Variants in REV3L observed in about 807,000 individuals in gnomAD.
REV3L encodes REV3 like, DNA directed polymerase zeta catalytic subunit.
In REV3L, 69 loss-of-function variants were observed where a neutral mutation model predicts 299.4. The ratio of observed to expected loss-of-function variants is 0.23; its 90% CI spans 0.19 to 0.28. The LOEUF (loss-of-function observed/expected upper bound fraction) is 0.28. REV3L is among the 10% of genes least tolerant of loss of function. The pLI is 1.00. For missense variants in REV3L, 3,128 were observed against 3,693.8 expected, an observed-to-expected ratio of 0.85 and a Z score of 3.97; for synonymous variants, 1,238 against 1,271.4, an observed-to-expected ratio of 0.97 and a Z score of 0.56.
In REV3L at chr6:111,349,275, A is replaced by G; in HGVS notation, c.7362T>C (p.Ser2454=). 6.2e-7 allele frequency: 1 copy of G among 1,607,694 alleles called. No individual in the cohort carries two copies. The highest frequency in any genetic ancestry group is 1.1e-5 in the South Asian group (1 of 90,574). Residue 2454 remains serine (S), a synonymous_variant, in exon 20 of 32, where the codon AGT becomes AGC. Coordinates refer to ENST00000368802, the MANE Select transcript of REV3L (RefSeq NM_001372078.1). ...TAATTCGGCCAACAATATTTATCTC[A>G]CTCATTGTATATGATCCATACTCAT... ...ERDEYGSYTM[S]EINIVGRITL... is the part of the protein sequence containing the mutation.
In REV3L at chr6:111,372,924, G is replaced by C. The variant is rs749421036; in HGVS notation, c.5431C>G (p.Leu1811Val). Residue 1811 changes from leucine (L) to valine (V), a missense_variant, in exon 13 of 32, where the codon CTT becomes GTT. By Grantham distance (32) the Leu-to-Val change is conservative. Transcript: ENST00000368802. The stretch of plus-strand genomic sequence containing the variant: ...GTAAAAGAGGTATTGGCTGAGTCAA[G>C]AGACTGTCCCATTTCTTTTCTGGTG... ...GHTRKEMGQSLDSANTSFTAI... is the reference protein window; with the variant it reads ...GHTRKEMGQSVDSANTSFTAI... 1.2e-6 allele frequency: 2 copies of C among 1,613,952 alleles called. No homozygotes were observed. Among genetic ancestry groups the C allele is most frequent in the Admixed American group, 3.3e-5 (2 of 59,996 alleles).
chr6:111,411,615 C>T (rs1784256885), intron 2 of REV3L, 61 bp from the exon 3 acceptor site: 4 of 1,076,464 alleles, frequency 3.7e-6, no homozygotes. Context: ...AATAATGCAA[C>T]TTATTGCCCT....
At chr6:111,430,781 C>T (rs1363815913) in intron 1 of REV3L, 86 of 1,607,028 alleles carry the variant, frequency 5.4e-5, no homozygotes, top group South Asian at 2.1e-4. Context: ...GCAGCTTGAC[C>T]GCATCGTGAA....
chr6:111,422,680 GTA>G (rs774474693), intron 1 of REV3L, among the ~76,000 whole-genome samples: 512 of 11,216 alleles, frequency 0.046, 95 homozygotes, highest in Non-Finnish European at 0.096. Context: ...ATATATATAC[GTA>G]TATATATATA....
chr6:111,475,012 CACACACACACAT>C lies in REV3L; in HGVS notation c.139+7726_139+7737del, dbSNP rs1289804186. On this transcript the variant is annotated intron_variant, in intron 1 of 31. Transcript: ENST00000368802. ...ATACACACACACACACACACACACA[CACACACACACAT>C]ATGGATTTTATTATAATAAAGAATT... Among the ~76,000 whole-genome samples, 3 of 151,866 alleles carry C rather than the reference CACACACACACAT, an allele frequency of 2.0e-5. No homozygotes were observed. The East Asian group carries it at 5.8e-4, about 29-fold the overall frequency.
In REV3L at chr6:111,415,005, C is replaced by T. The variant is rs17539295; in HGVS notation, c.329+1278G>A. Among the ~76,000 whole-genome samples, 32 of 152,224 alleles carry T rather than the reference C, an allele frequency of 2.1e-4. No homozygotes were observed. The East Asian group carries it at 6.2e-3, about 29-fold the overall frequency. Reference sequence around the variant, plus strand: ...TTCTCTCCCTGCTCTTATTCTCGTCCCCCTACAATCTATTATTAATACAGT... The same window carrying T: ...TTCTCTCCCTGCTCTTATTCTCGTCTCCCTACAATCTATTATTAATACAGT... On this transcript the variant is annotated intron_variant, in intron 2 of 31. Transcript: ENST00000368802.
intron 13 of REV3L, among the ~76,000 whole-genome samples, chr6:111,371,256 T>G (rs917952776): frequency 6.6e-6 from 1 of 152,206 alleles, no homozygotes; most frequent in Non-Finnish European, 1.5e-5. Context: ...CTTTCATCAG[T>G]TATGTCCTAA....
chr6:111,477,843 A>G (rs1454827898), intron 1 of REV3L, among the ~76,000 whole-genome samples: 7 of 152,244 alleles, frequency 4.6e-5, no homozygotes, highest in Admixed American at 4.6e-4. Context: ...GGGACAAAGT[A>G]GATTGGGATA....
Position 111,376,768 on chromosome 6 carries a change from G to A in REV3L, c.1598-11C>T, listed in dbSNP as rs755260862. On this transcript the variant is annotated splice_polypyrimidine_tract_variant and intron_variant, in intron 12 of 31. Transcript: ENST00000368802. ...TGTTCAATGGATTGTCTGAAATGAGGAGGGAAAAACAGTTTATTTCATTTT... is the reference window on the plus strand; with the variant it reads ...TGTTCAATGGATTGTCTGAAATGAGAAGGGAAAAACAGTTTATTTCATTTT... 6.5e-7 allele frequency: 1 copy of A among 1,533,132 alleles called. No homozygotes were observed. Among genetic ancestry groups the A allele is most frequent in the East Asian group, 2.3e-5 (1 of 43,592 alleles). 95.0% of individuals were successfully genotyped at this position (1,533,132 alleles called of 1,614,324 possible). A position where few individuals can be genotyped will look rare whatever the true frequency, so the allele number is the denominator to read the frequency against.
Position 111,299,969 on chromosome 6 carries a change from G to C in REV3L, c.*47C>G, listed in dbSNP as rs1771294897. ...AAGCACCATGCACAACAGTTTAGTGGTAAGCACTGAAAAAAATAGCACCTG... is the reference window on the plus strand; with the variant it reads ...AAGCACCATGCACAACAGTTTAGTGCTAAGCACTGAAAAAAATAGCACCTG... On this transcript the variant is annotated 3_prime_UTR_variant, in exon 32 of 32. Coordinates refer to ENST00000368802, the MANE Select transcript of REV3L (RefSeq NM_001372078.1). The C allele has an allele frequency of 6.4e-7, 1 of 1,571,688 alleles. No homozygotes were observed. The highest frequency in any genetic ancestry group is 2.3e-5 in the East Asian group (1 of 44,206).
At chr6:111,313,131 C>G (rs1773156019) in intron 28 of REV3L, 1 of 369,390 alleles carries the variant, frequency 2.7e-6, no homozygotes, top group Non-Finnish European at 4.7e-6. Flanking sequence ...CTACTGCACT[C>G]CAGCCTGGGT....
At chr6:111,462,712 A>G (rs1311520963) in intron 1 of REV3L, among the ~76,000 whole-genome samples, 1 of 152,208 alleles carries the variant, frequency 6.6e-6, no homozygotes, top group Non-Finnish European at 1.5e-5. Flanking sequence ...GGGAGTATAG[A>G]TTGGTATGAT....
chr6:111,389,997 G>C, intron 6 of REV3L, 89 bp downstream of exon 6: 1 of 853,772 alleles, frequency 1.2e-6, no homozygotes. Flanking sequence ...GCCTCCCAAA[G>C]TGCTGGGATT....
Position 111,300,220 on chromosome 6 carries a change from A to C in REV3L, c.9253-64T>G, listed in dbSNP as rs970668328. The C allele has an allele frequency of 2.3e-6, 3 of 1,304,206 alleles. No individual in the cohort carries two copies. In the African/African-American group the frequency reaches 4.5e-5, roughly 20 times the overall value. 80.8% of individuals were successfully genotyped at this position (1,304,206 alleles called of 1,614,324 possible). A position where few individuals can be genotyped will look rare whatever the true frequency, so the allele number is the denominator to read the frequency against. On this transcript the variant is annotated intron_variant, in intron 31 of 31. Transcript: ENST00000368802. ...TTTTTATGCGTGTATGCAAACAACA[A>C]ATTTTTATAATCCCTACTTTCTAGA...
chr6:111,446,159 G>A (rs1442182855), intron 1 of REV3L, among the ~76,000 whole-genome samples: 3 of 152,056 alleles, frequency 2.0e-5, no homozygotes, highest in South Asian at 4.1e-4. Context: ...GCTGTCTTGT[G>A]GTCATCAATC....
chr6:111,430,834 G>A lies in REV3L; in HGVS notation c.140-14362C>T, dbSNP rs528943336. Reference sequence around the variant, plus strand: ...TGACCAGGCGGCTTGTGAACAGTCAGTGCAAATTGGAAAGAAGAAAACCAG... The same window carrying A: ...TGACCAGGCGGCTTGTGAACAGTCAATGCAAATTGGAAAGAAGAAAACCAG... On this transcript the variant is annotated intron_variant, in intron 1 of 31. Transcript: ENST00000368802. 4.1e-5 allele frequency: 66 copies of A among 1,608,600 alleles called. No individual in the cohort carries two copies. The African/African-American group carries it at 8.1e-4, about 20-fold the overall frequency.
At chr6:111,430,802 G>A in intron 1 of REV3L, 2 of 1,608,500 alleles carry the variant, frequency 1.2e-6, no homozygotes, top group East Asian at 2.2e-5. Context: ...GGAATCTGGA[G>A]GAAAGCTGAC....
chr6:111,321,062 A>G (rs1484622977), intron 26 of REV3L, among the ~76,000 whole-genome samples: 1 of 152,216 alleles, frequency 6.6e-6, no homozygotes, highest in African/African-American at 2.4e-5. Context: ...TGATGTAGAG[A>G]GAAAGCATCA....
intron 1 of REV3L, among the ~76,000 whole-genome samples, chr6:111,467,889 A>T (rs1342844390): frequency 6.6e-6 from 1 of 152,130 alleles, no homozygotes; most frequent in African/African-American, 2.4e-5. Flanking sequence ...CACTACCATG[A>T]TCTATGCATG....
Sources: gnomAD v4.1 joint callset for allele counts (sites outside exome capture counted in the v4.1 genomes callset) on GRCh38, gnomAD v4.1.1 for gene constraint, MANE v1.5 for transcripts, NCBI Gene and HGNC (gene_info 2026-07-23, HGNC 2026-07-21) for gene names.